The following MYBPC1 variants were observed in gnomAD, a reference collection of about 807,000 sequenced individuals.
MYBPC1 encodes the protein myosin-binding protein C, slow-type.
Under a neutral mutation model 147.1 loss-of-function variants are expected in MYBPC1, and 52 were observed. That is an observed-to-expected ratio of 0.35 (90% CI 0.28 to 0.45). MYBPC1 has a LOEUF of 0.45. Among genes scored for constraint, MYBPC1 ranks in the 20% least tolerant of loss-of-function variants. MYBPC1 has a pLI of 1.00. For synonymous variants in MYBPC1, 477 were observed against 475.9 expected (o/e 1.00, Z -0.03); for missense variants, 1,228 against 1,440.3 (o/e 0.85, Z 2.39).
At chr12:101,603,358 AAG>A (rs1303222335) in intron 1 of MYBPC1, among the ~76,000 whole-genome samples, 1 of 151,824 alleles carries the variant, frequency 6.6e-6, no homozygotes, top group Non-Finnish European at 1.5e-5. Flanking sequence ...AAAAAAAAAA[AAG>A]AAGATTTCTC....
At chr12:101,672,050 C>G (rs1898847446) in intron 24 of MYBPC1, among the ~76,000 whole-genome samples, 1 of 152,178 alleles carries the variant, frequency 6.6e-6, no homozygotes, top group Non-Finnish European at 1.5e-5. Flanking sequence ...GAACAGAGTC[C>G]ATGGCCCGGT....
chr12:101,679,302 G>A (rs1950781008), intron 28 of MYBPC1, among the ~76,000 whole-genome samples: 1 of 152,206 alleles, frequency 6.6e-6, no homozygotes, highest in Non-Finnish European at 1.5e-5. Flanking sequence ...CTAGGAGAAA[G>A]GCCAGGGCTG....
chr12:101,686,614 C>A (rs1951351174), downstream of MYBPC1, among the ~76,000 whole-genome samples: 1 of 152,224 alleles, frequency 6.6e-6, no homozygotes. Context: ...TAAGGTACCA[C>A]AGCATTACTG....
At chr12:101,663,350 A>G (rs557658808) in intron 21 of MYBPC1, 76 bp from the exon 22 acceptor site, 1 of 1,288,222 alleles carries the variant, frequency 7.8e-7, no homozygotes, top group South Asian at 1.2e-5. Context: ...TTGTATCCCC[A>G]TTGGTTTTAT....
At chr12:101,642,682 C>G in intron 11 of MYBPC1, 97 bp downstream of exon 11, 1 of 1,414,686 alleles carries the variant, frequency 7.1e-7, no homozygotes, top group Non-Finnish European at 9.7e-7. Flanking sequence ...CAGTCTCCCG[C>G]GGGGTTGGGA....
At chr12:101,652,621 G>T (rs1894727158) in intron 16 of MYBPC1, 57 bp from the exon 17 acceptor site, 1 of 1,252,128 alleles carries the variant, frequency 8.0e-7, no homozygotes, top group South Asian at 1.2e-5. Flanking sequence ...TTCAGCTTGG[G>T]TCATATATAA....
chr12:101,659,038 G>GA (rs146290262), intron 18 of MYBPC1, among the ~76,000 whole-genome samples: 2,518 of 151,442 alleles, frequency 0.017, 59 homozygotes, highest in African/African-American at 0.058. Context: ...GAAAAAAAGT[G>GA]AAAAAAAAGA....
At chr12:101,603,358 A>G (rs1345875381) in intron 1 of MYBPC1, among the ~76,000 whole-genome samples, 1 of 151,824 alleles carries the variant, frequency 6.6e-6, no homozygotes, top group Non-Finnish European at 1.5e-5. Flanking sequence ...AAAAAAAAAA[A>G]AGAAGATTTC....
chr12:101,642,054 A>G (rs192249648), intron 10 of MYBPC1, among the ~76,000 whole-genome samples: 30 of 152,338 alleles, frequency 2.0e-4, no homozygotes, highest in Admixed American at 1.6e-3. Flanking sequence ...TTCAATATCC[A>G]TATCCTAGAT....
At chr12:101,619,612 A>C (rs1476432839) in intron 3 of MYBPC1, among the ~76,000 whole-genome samples, 1 of 152,194 alleles carries the variant, frequency 6.6e-6, no homozygotes, top group African/African-American at 2.4e-5. Context: ...GAGGATGAAC[A>C]TCCTATGTAT....
rs747250733 is a variant in MYBPC1 at position 101,657,975 on chromosome 12, A to C, written c.1768-1697A>C. 2.6e-5 allele frequency among the ~76,000 whole-genome samples: 4 copies of C among 151,770 alleles called. No homozygotes were observed. The East Asian group carries it at 7.7e-4, about 29-fold the overall frequency. On this transcript the variant is annotated intron_variant, in intron 18 of 31. Transcript: ENST00000361466. ...GAAACCCCGTCTCTACTAAAAATACAAAAAAAATTAGCCGGGCGTGGTGGC... is the reference window on the plus strand; with the variant it reads ...GAAACCCCGTCTCTACTAAAAATACCAAAAAAATTAGCCGGGCGTGGTGGC...
intron 23 of MYBPC1, 47 bp downstream of exon 23, chr12:101,667,946 A>AC (rs1224781872): frequency 6.3e-7 from 1 of 1,588,386 alleles, no homozygotes; most frequent in East Asian, 2.3e-5. Flanking sequence ...TACATGGTTC[A>AC]CTTTTTTTTT....
chr12:101,642,305 G>T (rs1339712154), intron 10 of MYBPC1, 114 bp from the exon 11 acceptor site: 5 of 1,129,950 alleles, frequency 4.4e-6, no homozygotes, highest in Non-Finnish European at 5.3e-6. Flanking sequence ...AAGTACTCAG[G>T]CTTTAAACAG....
At chr12:101,675,681 C>T (rs1262524901) in intron 26 of MYBPC1, among the ~76,000 whole-genome samples, 1 of 152,182 alleles carries the variant, frequency 6.6e-6, no homozygotes, top group African/African-American at 2.4e-5. Flanking sequence ...CTATTTTCCT[C>T]ATCTATGTAA....
chr12:101,647,067 C>A, intron 13 of MYBPC1, 180 bp downstream of exon 13: 1 of 714,826 alleles, frequency 1.4e-6, no homozygotes, highest in Non-Finnish European at 2.3e-6. Context: ...CTGTTGAGTA[C>A]AAATGCCTCA....
chr12:101,633,895 C>CTTTT (rs571261326), intron 8 of MYBPC1, among the ~76,000 whole-genome samples: 1 of 137,320 alleles, frequency 7.3e-6, no homozygotes, highest in African/African-American at 2.7e-5. Context: ...ACCTGGAGGG[C>CTTTT]TTTTTTTTTT....
chr12:101,686,597 C>G (rs970102177), downstream of MYBPC1, among the ~76,000 whole-genome samples: 1 of 152,204 alleles, frequency 6.6e-6, no homozygotes, highest in Non-Finnish European at 1.5e-5. Flanking sequence ...GGAGTAGAAT[C>G]GAACTGTAAG....
chr12:101,615,462 T>C (rs1885642494), intron 2 of MYBPC1, among the ~76,000 whole-genome samples: 1 of 152,174 alleles, frequency 6.6e-6, no homozygotes, highest in African/African-American at 2.4e-5. Flanking sequence ...TCAGAGGGAT[T>C]CAGACATACC....
chr12:101,637,084 A>T, intron 10 of MYBPC1: 1 of 48,968 alleles, frequency 2.0e-5, no homozygotes, highest in Non-Finnish European at 3.5e-5. Flanking sequence ...ACATTGTAAG[A>T]GGCAGACCTA....
Sources: gnomAD v4.1 joint callset for allele counts (sites outside exome capture counted in the v4.1 genomes callset) on GRCh38, gnomAD v4.1.1 for gene constraint, MANE v1.5 for transcripts, NCBI Gene and HGNC (gene_info 2026-07-23, HGNC 2026-07-21) for gene names.